CIMIP2C: variants seen among roughly 807,000 people sequenced by gnomAD.
CIMIP2C encodes ciliary microtubule inner protein 2C, also known as UPF0573 protein C2orf70.
chr2:26,570,278 G>A, the CIMIP2C span, among the ~76,000 whole-genome samples: 23 of 152,314 alleles, frequency 1.5e-4, no homozygotes, highest in East Asian at 3.5e-3. Flanking sequence ...TCCTTTCTTC[G>A]GAGGAGCCCA....
At chr2:26,562,946 G>A in the CIMIP2C span, 2 of 516,398 alleles carry the variant, frequency 3.9e-6, no homozygotes, top group Non-Finnish European at 6.8e-6. Flanking sequence ...AGGGCATAAG[G>A]GACCTCGCAT....
At chr2:26,573,474 C>A in the CIMIP2C span, among the ~76,000 whole-genome samples, 1 of 143,666 alleles carries the variant, frequency 7.0e-6, no homozygotes, top group South Asian at 2.1e-4. Context: ...AGGGAGGAGT[C>A]GGATGGGACA....
At chr2:26,579,502 TGGAATAAAATCTTTA>T in the CIMIP2C span, 2 of 1,571,642 alleles carry the variant, frequency 1.3e-6, no homozygotes, top group Non-Finnish European at 1.7e-6. Flanking sequence ...CTGGCTTGCT[TGGAATAAAATCTTTA>T]GCCATGACCA....
At chr2:26,568,426 A>T in the CIMIP2C span, among the ~76,000 whole-genome samples, 1 of 152,224 alleles carries the variant, frequency 6.6e-6, no homozygotes, top group Non-Finnish European at 1.5e-5. Context: ...GAGCTGTTCA[A>T]GTACATTTCA....
At chr2:26,568,775 C>A in the CIMIP2C span, among the ~76,000 whole-genome samples, 1 of 152,250 alleles carries the variant, frequency 6.6e-6, no homozygotes, top group African/African-American at 2.4e-5. Flanking sequence ...CACACCTGCA[C>A]TTTGGGAGGC....
At chr2:26,570,430 T>C in the CIMIP2C span, among the ~76,000 whole-genome samples, 4 of 152,214 alleles carry the variant, frequency 2.6e-5, no homozygotes, top group African/African-American at 9.6e-5. Context: ...GTTGAGCACT[T>C]GTCATGTGCC....
the CIMIP2C span, chr2:26,577,754 G>A: frequency 1.5e-6 from 1 of 682,914 alleles, no homozygotes; most frequent in Admixed American, 2.8e-5. Flanking sequence ...AAAACGTGCA[G>A]TGCAGAGAGT....
At chr2:26,569,050 A>T in the CIMIP2C span, among the ~76,000 whole-genome samples, 1 of 151,710 alleles carries the variant, frequency 6.6e-6, no homozygotes, top group African/African-American at 2.4e-5. Flanking sequence ...AAAGAAAAAC[A>T]ATATGAACTG....
the CIMIP2C span, chr2:26,577,606 C>G: frequency 1.9e-6 from 3 of 1,613,846 alleles, no homozygotes; most frequent in African/African-American, 2.7e-5. Flanking sequence ...GGAGCCGGAA[C>G]GGTACCCCCT....
chr2:26,570,363 C>T, the CIMIP2C span, among the ~76,000 whole-genome samples: 2 of 152,368 alleles, frequency 1.3e-5, no homozygotes, highest in East Asian at 3.9e-4. Flanking sequence ...TAAATCAGGA[C>T]TCCAGGGCAT....
the CIMIP2C span, among the ~76,000 whole-genome samples, chr2:26,568,558 A>G: frequency 2.0e-5 from 3 of 152,334 alleles, no homozygotes; most frequent in African/African-American, 7.2e-5. Flanking sequence ...AGAAAGGGCA[A>G]CCCTTTAAAA....
chr2:26,566,918 C>T, the CIMIP2C span, among the ~76,000 whole-genome samples: 2 of 152,172 alleles, frequency 1.3e-5, no homozygotes, highest in Non-Finnish European at 2.9e-5. Context: ...CAGGGCTGCC[C>T]AGGCTGGTCT....
the CIMIP2C span, chr2:26,562,702 C>G: frequency 1.3e-6 from 2 of 1,555,868 alleles, no homozygotes; most frequent in East Asian, 2.4e-5. Flanking sequence ...GCCGAGGGAG[C>G]GCCTCCTCCC....
the CIMIP2C span, among the ~76,000 whole-genome samples, chr2:26,575,639 G>A: frequency 3.9e-5 from 6 of 152,088 alleles, no homozygotes; most frequent in East Asian, 1.2e-3. Context: ...GGCCAAAGAT[G>A]GCCACCGGGC....
the CIMIP2C span, chr2:26,572,226 T>C: frequency 7.1e-7 from 1 of 1,402,960 alleles, no homozygotes; most frequent in Non-Finnish European, 9.5e-7. Context: ...TTGACAGGTT[T>C]TATAACATTT....
the CIMIP2C span, among the ~76,000 whole-genome samples, chr2:26,567,289 G>C: frequency 6.6e-6 from 1 of 152,178 alleles, no homozygotes; most frequent in Admixed American, 6.5e-5. Context: ...TCTCATGAGA[G>C]TTAGTTCTCA....
At chr2:26,575,805 T>C in the CIMIP2C span, 1 of 1,439,864 alleles carries the variant, frequency 6.9e-7, no homozygotes, top group South Asian at 1.3e-5. Flanking sequence ...ATTACAGGCA[T>C]GAGCCACAGC....
the CIMIP2C span, among the ~76,000 whole-genome samples, chr2:26,570,340 G>A: frequency 6.6e-6 from 1 of 152,210 alleles, no homozygotes; most frequent in South Asian, 2.1e-4. Flanking sequence ...GCTGATCAGA[G>A]CCACGCTCCT....
the CIMIP2C span, among the ~76,000 whole-genome samples, chr2:26,563,504 G>T: frequency 1.3e-5 from 2 of 152,120 alleles, no homozygotes; most frequent in Admixed American, 6.5e-5. Flanking sequence ...CCTCCTACCA[G>T]TCAGCATAGG....
Sources: allele counts gnomAD v4.1 joint callset (sites outside exome capture counted in the v4.1 genomes callset), GRCh38; gene constraint gnomAD v4.1.1; transcripts MANE v1.5; gene names NCBI Gene and HGNC (gene_info 2026-07-23, HGNC 2026-07-21).